The following ADAMTS7 variants were observed in gnomAD, a reference collection of about 807,000 sequenced individuals.
ADAMTS7 encodes the protein ADAM metallopeptidase with thrombospondin type 1 motif 7, also known as A disintegrin and metalloproteinase with thrombospondin motifs 7.
A neutral mutation model predicts 172.6 loss-of-function variants in ADAMTS7; 89 were observed. The observed-to-expected ratio is 0.52, with a 90% CI of 0.43 to 0.61. ADAMTS7 has a LOEUF of 0.61. Ranked by LOEUF, ADAMTS7 falls within the 20% of genes least tolerant of loss-of-function variation. The pLI is 0.00. For missense variants in ADAMTS7, 1,973 were observed against 2,355.6 expected (o/e 0.84, Z 3.36); for synonymous variants, 885 against 978.4 (o/e 0.90, Z 1.78).
chr15:78,797,922 C>G, intron 3 of ADAMTS7, 26 bp downstream of exon 3: 1 of 1,588,276 alleles, frequency 6.3e-7, no homozygotes, highest in Non-Finnish European at 8.5e-7. Context: ...AGCACCCACC[C>G]GAGAACTGGG....
intron 13 of ADAMTS7, among the ~76,000 whole-genome samples, chr15:78,773,529 G>A (rs933257787): frequency 4.0e-5 from 6 of 151,820 alleles, no homozygotes; most frequent in African/African-American, 1.5e-4. Flanking sequence ...CCTGAGCAGC[G>A]CGTGCAGGGA....
intron 13 of ADAMTS7, among the ~76,000 whole-genome samples, chr15:78,773,738 C>A (rs988122279): frequency 2.0e-5 from 3 of 152,072 alleles, no homozygotes; most frequent in African/African-American, 7.2e-5. Context: ...CTACTCTTTG[C>A]GGCTCAGAGC....
Position 78,800,389 on chromosome 15 carries a change from G to C in ADAMTS7, c.259C>G (p.Arg87Gly). 6.2e-7 allele frequency: 1 copy of C among 1,607,592 alleles called. No individual in the cohort carries two copies. Among genetic ancestry groups the C allele is most frequent in the South Asian group, 1.1e-5 (1 of 90,642 alleles). ...DAPAFYELQYRGRELRFNLTA... is the reference protein window; with the variant it reads ...DAPAFYELQYGGRELRFNLTA... ...AGGTTGAAGCGCAGCTCGCGCCCGC[G>C]GTATTGTAGCTCGTAGAAGGCGGGC... The change falls in exon 2 of 24, where the codon CGC becomes GGC. Residue 87 changes from arginine (R) to glycine (G), a missense_variant. Physicochemically the swap from Arg to Gly is moderately radical, Grantham distance 125. Around this residue, in one of 8 missense-constraint regions of ADAMTS7, gnomAD observed 306 missense variants for 288.0 expected, o/e 1.06. Transcript: ENST00000388820.
At chr15:78,769,930 G>C (rs1202216853) in intron 16 of ADAMTS7, among the ~76,000 whole-genome samples, 1 of 152,228 alleles carries the variant, frequency 6.6e-6, no homozygotes, top group African/African-American at 2.4e-5. Flanking sequence ...GGGAAGCCAA[G>C]GCGGGCAAAT....
chr15:78,776,323 C>A lies in ADAMTS7; in HGVS notation c.1571G>T (p.Ser524Ile). Residue 524 changes from serine to isoleucine, a missense_variant, in exon 11 of 24, where the codon AGT (serine) becomes ATT (isoleucine). Ser to Ile is a moderately radical substitution (Grantham distance 142). Around this residue, in one of 8 missense-constraint regions of ADAMTS7, gnomAD observed 526 missense variants for 662.9 expected, o/e 0.79. Transcript: ENST00000388820. ...GAAGCCCACGGGTACGCACTCCCCACTGAGACACCACTACTGAGACAGACG... is the reference window on the plus strand; with the variant it reads ...GAAGCCCACGGGTACGCACTCCCCAATGAGACACCACTACTGAGACAGACG... The part of the protein sequence containing the change: ...TRCGENKWCL[S>I]GECVPVGFRP... 6.2e-7 allele frequency: 1 copy of A among 1,611,568 alleles called. No homozygotes were observed. The highest frequency in any genetic ancestry group is 1.1e-5 in the South Asian group (1 of 90,968).
At chr15:78,784,938 T>C (rs535228031) in intron 8 of ADAMTS7, among the ~76,000 whole-genome samples, 73 of 151,586 alleles carry the variant, frequency 4.8e-4, no homozygotes, top group Non-Finnish European at 8.8e-4. Context: ...CTCAGAAAGC[T>C]GCTTGAGGAT....
At chr15:78,803,451 T>C (rs897296849) in intron 1 of ADAMTS7, among the ~76,000 whole-genome samples, 8 of 143,154 alleles carry the variant, frequency 5.6e-5, no homozygotes, top group South Asian at 2.2e-4. Context: ...TTAACAACTA[T>C]GGTCTTTTTT....
chr15:78,762,568 G>C lies in ADAMTS7; in HGVS notation c.4741-3C>G. The C allele has an allele frequency of 6.8e-7, 1 of 1,480,602 alleles. No homozygotes were observed. The highest frequency in any genetic ancestry group is 1.3e-5 in the South Asian group (1 of 74,146). 91.7% of individuals were successfully genotyped at this position (1,480,602 alleles called of 1,614,324 possible). On this transcript the variant is annotated splice_region_variant and splice_polypyrimidine_tract_variant and intron_variant, in intron 22 of 23. Transcript: ENST00000388820. The stretch of plus-strand genomic sequence containing the variant: ...CCACCACCACAGGGGCCTGAGCACT[G>C]AGGGGAGCGGGGGAGGAATGAGTGT...
Position 78,811,117 on chromosome 15 carries a change from C to G in ADAMTS7, c.100+4G>C. 8.1e-7 allele frequency: 1 copy of G among 1,230,396 alleles called. No individual in the cohort carries two copies. The highest frequency in any genetic ancestry group is 1.0e-6 in the Non-Finnish European group (1 of 987,028). 76.2% of individuals were successfully genotyped at this position (1,230,396 alleles called of 1,614,324 possible). A position where few individuals can be genotyped will look rare whatever the true frequency, so the allele number is the denominator to read the frequency against. The stretch of plus-strand genomic sequence containing the variant: ...CGGCTGGCCGGGGAGGGGCGGACAC[C>G]CACCTGGTGCGGGTCCGGGGGCGCC... On this transcript the variant is annotated splice_donor_region_variant and intron_variant, in intron 1 of 23. Coordinates refer to ENST00000388820, the MANE Select transcript of ADAMTS7 (RefSeq NM_014272.5).
In ADAMTS7 at chr15:78,762,878, G is replaced by A. The variant is rs116587750; in HGVS notation, c.4741-313C>T. Among the ~76,000 whole-genome samples the A allele has an allele frequency of 5.6e-3, 848 of 152,334 alleles. 10 individuals carry two copies. Among genetic ancestry groups the A allele is most frequent in the African/African-American group, 0.019 (798 of 41,574 alleles). ...CCTGAGAAGCCTGGGCAGGGGCGCCGGGATGGAGCCCTGATGCAGCAGTGG... is the reference window on the plus strand; with the variant it reads ...CCTGAGAAGCCTGGGCAGGGGCGCCAGGATGGAGCCCTGATGCAGCAGTGG... On this transcript the variant is annotated intron_variant, in intron 22 of 23. Transcript: ENST00000388820.
At chr15:78,788,955 A>G (rs1246974796) in intron 7 of ADAMTS7, among the ~76,000 whole-genome samples, 1 of 152,234 alleles carries the variant, frequency 6.6e-6, no homozygotes, top group Non-Finnish European at 1.5e-5. Context: ...CAGAGAGTCT[A>G]AGGAACTAGC....
intron 4 of ADAMTS7, among the ~76,000 whole-genome samples, chr15:78,791,830 T>A (rs1382427244): frequency 6.6e-6 from 1 of 152,072 alleles, no homozygotes; most frequent in African/African-American, 2.4e-5. Context: ...GGTGTGCACA[T>A]CTATCAGAGG....
chr15:78,789,954 C>T (rs1233457087), intron 6 of ADAMTS7, 116 bp from the exon 7 acceptor site: 8 of 1,411,054 alleles, frequency 5.7e-6, no homozygotes, highest in African/African-American at 1.4e-5. Context: ...ATGTCTCTCC[C>T]ACCGTTCTGT....
chr15:78,807,377 T>A (rs982459031), intron 1 of ADAMTS7, among the ~76,000 whole-genome samples: 1 of 152,244 alleles, frequency 6.6e-6, no homozygotes, highest in Non-Finnish European at 1.5e-5. Context: ...CTGTTGAGAA[T>A]ACCTGCTGTA....
chr15:78,763,902 C>T, intron 21 of ADAMTS7, 24 bp downstream of exon 21: 1 of 1,559,372 alleles, frequency 6.4e-7, no homozygotes, highest in Non-Finnish European at 8.7e-7. Context: ...GTCCCCTCCC[C>T]CCAACTCAAC....
At position 78,759,569 on chromosome 15, in the gene ADAMTS7, C is replaced by G. The variant is rs756884675; in HGVS notation, c.4913G>C (p.Arg1638Pro). 5 of 1,585,258 alleles carry G rather than the reference C, an allele frequency of 3.2e-6. No individual in the cohort carries two copies. The African/African-American group carries it at 6.7e-5, about 21-fold the overall frequency. Reference protein sequence around the residue: ...CEPVEPPRCERDRLSFGFCET... With the variant: ...CEPVEPPRCEPDRLSFGFCET... Reference sequence around the variant, plus strand: ...GCAGAACCCGAAGGACAGGCGGTCCCGCTCACAGCCTGGAGTGGGGGGGCA... The same window carrying G: ...GCAGAACCCGAAGGACAGGCGGTCCGGCTCACAGCCTGGAGTGGGGGGGCA... The change falls in exon 24 of 24, where the codon CGG becomes CCG. Residue 1638 changes from arginine to proline, a missense_variant. Physicochemically the swap from Arg to Pro is moderately radical, Grantham distance 103. Around this residue, in one of 8 missense-constraint regions of ADAMTS7, gnomAD observed 94 missense variants for 95.4 expected, o/e 0.99. Transcript: ENST00000388820.
chr15:78,761,746 G>GT (rs1491243675), intron 23 of ADAMTS7, among the ~76,000 whole-genome samples: 1 of 151,008 alleles, frequency 6.6e-6, no homozygotes, highest in Non-Finnish European at 1.5e-5. Flanking sequence ...GTGTGTTGGC[G>GT]TGTGTGTGTG....
Position 78,766,222 on chromosome 15 carries a change from G to A in ADAMTS7, c.3689C>T (p.Pro1230Leu), listed in dbSNP as rs758509464. The change falls in exon 19 of 24, where the codon CCC becomes CTC. Residue 1230 changes from proline to leucine, a missense_variant. Around this residue, in one of 8 missense-constraint regions of ADAMTS7, gnomAD observed 771 missense variants for 952.6 expected, o/e 0.81. Coordinates refer to ENST00000388820, the MANE Select transcript of ADAMTS7 (RefSeq NM_014272.5). ...DDEEPKGRGA[P>L]HLPPRPSSTL... ...GGAGCTGGGTCTCGGGGGCAGGTGGGGTGCTCCTCGGCCCTTGGGTTCCTC... is the reference window on the plus strand; with the variant it reads ...GGAGCTGGGTCTCGGGGGCAGGTGGAGTGCTCCTCGGCCCTTGGGTTCCTC... The A allele has an allele frequency of 4.3e-6, 7 of 1,611,724 alleles. No individual in the cohort carries two copies. Among genetic ancestry groups the A allele is most frequent in the East Asian group, 2.2e-5 (1 of 44,864 alleles).
In ADAMTS7 at chr15:78,771,743, G is replaced by T. The variant is rs147285963; in HGVS notation, c.2218C>A (p.Arg740=). ...VAEAANFLAL[R]SEDPEKYFLN... ...AAGTACTTCTCCGGGTCCTCGCTCC[G>T]CAGTGCCAGGAAGTTGGCAGCCTCG... is the stretch of plus-strand genomic sequence containing the variant. The change falls in exon 15 of 24, where the codon CGG becomes AGG. Residue 740 remains arginine, a synonymous_variant. Coordinates refer to ENST00000388820, the MANE Select transcript of ADAMTS7 (RefSeq NM_014272.5). This position sits in a 1 kb window ranked among gnomAD's most constrained non-coding sequence, Gnocchi z 4.9. 3.7e-6 allele frequency: 6 copies of T among 1,611,538 alleles called. No homozygotes were observed. The highest frequency in any genetic ancestry group is 5.1e-6 in the Non-Finnish European group (6 of 1,179,990).
Sources: allele counts gnomAD v4.1 joint callset (sites outside exome capture counted in the v4.1 genomes callset), GRCh38; gene constraint gnomAD v4.1.1; regional missense constraint gnomAD v4.1.1; non-coding constraint Gnocchi (gnomAD v3.1); transcripts MANE v1.5; gene names NCBI Gene and HGNC (gene_info 2026-07-23, HGNC 2026-07-21).